Variants in ANKRD6 observed in about 807,000 individuals in gnomAD.
The protein encoded by ANKRD6 is ankyrin repeat domain-containing protein 6.
In ANKRD6, 56 loss-of-function variants were observed where a neutral mutation model predicts 82.3. That is an observed-to-expected ratio of 0.68 (90% CI 0.55 to 0.85). The LOEUF is 0.85. ANKRD6 is among the 40% of genes least tolerant of loss of function. ANKRD6 has a pLI of 0.00. For missense variants in ANKRD6, 852 were observed against 907.6 expected, an observed-to-expected ratio of 0.94 and a Z score of 0.79; for synonymous variants, 347 against 352.1, an observed-to-expected ratio of 0.99 and a Z score of 0.16.
chr6:89,559,498 G>T (rs1787082886), intron 1 of ANKRD6, among the ~76,000 whole-genome samples: 1 of 152,134 alleles, frequency 6.6e-6, no homozygotes, highest in South Asian at 2.1e-4. Context: ...AACAAAAATG[G>T]TTTCAGTGGA....
At chr6:89,459,907 A>G (rs1294214704) in intron 1 of ANKRD6, among the ~76,000 whole-genome samples, 1 of 152,190 alleles carries the variant, frequency 6.6e-6, no homozygotes, top group African/African-American at 2.4e-5. Context: ...GGACAAAGAA[A>G]GCTGACAGTA....
chr6:89,540,938 G>C (rs1337416982), intron 1 of ANKRD6, among the ~76,000 whole-genome samples: 1 of 152,100 alleles, frequency 6.6e-6, no homozygotes, highest in Non-Finnish European at 1.5e-5. Flanking sequence ...TTCACTGTAG[G>C]TGTATGGATT....
At chr6:89,476,758 T>C (rs854868) in intron 1 of ANKRD6, among the ~76,000 whole-genome samples, 142,256 of 152,304 alleles carry the variant, frequency 0.93, 66,523 homozygotes, top group East Asian at 1. Flanking sequence ...ACATACAAAT[T>C]GTCCTGTAAC....
At chr6:89,451,877 A>T (rs759934807) in intron 1 of ANKRD6, among the ~76,000 whole-genome samples, 8 of 152,190 alleles carry the variant, frequency 5.3e-5, no homozygotes, top group Admixed American at 2.0e-4. Context: ...AGGGACATTT[A>T]CTTTAAGAGT....
At chr6:89,507,581 G>A (rs1487384071) in intron 1 of ANKRD6, among the ~76,000 whole-genome samples, 1 of 152,204 alleles carries the variant, frequency 6.6e-6, no homozygotes, top group African/African-American at 2.4e-5. Flanking sequence ...AGAGCACGGG[G>A]TAGGACAAAT....
At chr6:89,545,513 A>G (rs1784983250) in intron 1 of ANKRD6, among the ~76,000 whole-genome samples, 1 of 152,214 alleles carries the variant, frequency 6.6e-6, no homozygotes, top group African/African-American at 2.4e-5. Context: ...AGTAGCGCAC[A>G]GGAGGTGTTT....
At position 89,461,596 on chromosome 6, in the gene ANKRD6, T is replaced by C. The variant is rs115583529; in HGVS notation, c.-144+28221T>C. On this transcript the variant is annotated intron_variant, in intron 1 of 15. Transcript: ENST00000339746. ...TTCACTCATAACAACTCAGTATCAT[T>C]TGCTAAATAAAGAGGCTTTGGTATC... Among the ~76,000 whole-genome samples the C allele has an allele frequency of 7.8e-3, 1,187 of 152,270 alleles. 18 individuals carry two copies. The highest frequency in any genetic ancestry group is 0.027 in the African/African-American group (1,110 of 41,548).
At chr6:89,435,646 G>A (rs531133962) in intron 1 of ANKRD6, among the ~76,000 whole-genome samples, 1 of 152,322 alleles carries the variant, frequency 6.6e-6, no homozygotes, top group East Asian at 1.9e-4. Context: ...CCGAAGGTGT[G>A]TTCTGTCTGT....
At chr6:89,440,074 C>T (rs967152633) in intron 1 of ANKRD6, among the ~76,000 whole-genome samples, 2 of 152,130 alleles carry the variant, frequency 1.3e-5, no homozygotes, top group Non-Finnish European at 2.9e-5. Context: ...ATAATTTTTC[C>T]TCTACTCTTG....
intron 1 of ANKRD6, among the ~76,000 whole-genome samples, chr6:89,529,122 G>C (rs529567071): frequency 6.6e-6 from 1 of 152,206 alleles, no homozygotes; most frequent in African/African-American, 2.4e-5. Flanking sequence ...TTGAAGCCAG[G>C]TGTTGACTTC....
intron 1 of ANKRD6, among the ~76,000 whole-genome samples, chr6:89,541,127 A>G (rs1364059157): frequency 6.6e-6 from 1 of 152,054 alleles, no homozygotes; most frequent in African/African-American, 2.4e-5. Context: ...GTGGTTCCGT[A>G]TAAATTTTAG....
chr6:89,535,754 G>A (rs1783746166), intron 1 of ANKRD6, among the ~76,000 whole-genome samples: 1 of 152,174 alleles, frequency 6.6e-6, no homozygotes, highest in Admixed American at 6.5e-5. Context: ...TTGAAGCTAG[G>A]GAGGCAGTGT....
chr6:89,573,028 A>G (rs1790281882), intron 2 of ANKRD6, among the ~76,000 whole-genome samples: 1 of 152,036 alleles, frequency 6.6e-6, no homozygotes, highest in Non-Finnish European at 1.5e-5. Flanking sequence ...TGGTGTGAAC[A>G]CGGCTCACTG....
intron 8 of ANKRD6, 142 bp from the exon 9 acceptor site, chr6:89,617,812 T>A: frequency 1.4e-6 from 1 of 725,816 alleles, no homozygotes. Flanking sequence ...CCATATCACA[T>A]AGGTGGCCAT....
At chr6:89,598,100 T>A (rs1583599825) in intron 3 of ANKRD6, 2 of 985,168 alleles carry the variant, frequency 2.0e-6, no homozygotes, top group East Asian at 1.1e-4. Context: ...CAGATACTGA[T>A]CTTTATGGCA....
intron 2 of ANKRD6, among the ~76,000 whole-genome samples, chr6:89,570,228 G>C (rs1377200104): frequency 6.6e-6 from 1 of 151,938 alleles, no homozygotes; most frequent in Non-Finnish European, 1.5e-5. Flanking sequence ...CTACAGGCAT[G>C]CACACTGTTA....
chr6:89,484,704 A>G (rs1777174182), intron 1 of ANKRD6, among the ~76,000 whole-genome samples: 1 of 152,238 alleles, frequency 6.6e-6, no homozygotes, highest in African/African-American at 2.4e-5. Flanking sequence ...TAATAGAATT[A>G]TGTTTACATT....
chr6:89,474,775 A>G lies in ANKRD6; in HGVS notation c.-144+41400A>G, dbSNP rs1165368517. 7.9e-5 allele frequency among the ~76,000 whole-genome samples: 12 copies of G among 152,320 alleles called. No individual in the cohort carries two copies. In the East Asian group the frequency reaches 1.5e-3, roughly 20 times the overall value. ...TACAGTGTTGCACTGGATGTAGTCCAGTGTGCACATCCACCCACAGTGAAA... is the reference window on the plus strand; with the variant it reads ...TACAGTGTTGCACTGGATGTAGTCCGGTGTGCACATCCACCCACAGTGAAA... On this transcript the variant is annotated intron_variant, in intron 1 of 15. Coordinates refer to ENST00000339746, the MANE Select transcript of ANKRD6 (RefSeq NM_001242809.2).
chr6:89,514,108 T>C (rs1450492169), intron 1 of ANKRD6, among the ~76,000 whole-genome samples: 4 of 152,154 alleles, frequency 2.6e-5, no homozygotes, highest in Non-Finnish European at 5.9e-5. Context: ...CCGGGTGCGG[T>C]AGATCATGCC....
Sources: gnomAD v4.1 joint callset for allele counts (sites outside exome capture counted in the v4.1 genomes callset) on GRCh38, gnomAD v4.1.1 for gene constraint, MANE v1.5 for transcripts, NCBI Gene and HGNC (gene_info 2026-07-23, HGNC 2026-07-21) for gene names.